Variants in TTC29 observed in about 807,000 individuals in gnomAD.
The protein encoded by TTC29 is tetratricopeptide repeat domain 29.
TTC29 carries 49 observed loss-of-function variants against 58.1 expected under a neutral mutation model. That is an observed-to-expected ratio of 0.84 (90% CI 0.67 to 1.07). The LOEUF is 1.07. TTC29 is among the 50% of genes least tolerant of loss of function. TTC29 has a pLI of 0.00. For missense variants in TTC29, 582 were observed against 555.6 expected (o/e 1.05, Z -0.48); for synonymous variants, 209 against 196.8 (o/e 1.06, Z -0.52).
chr4:146,886,860 T>C (rs755706242), intron 6 of TTC29, among the ~76,000 whole-genome samples: 3 of 152,152 alleles, frequency 2.0e-5, no homozygotes, highest in African/African-American at 4.8e-5. Flanking sequence ...CATGTTTTAG[T>C]TGTCATTTAA....
intron 10 of TTC29, among the ~76,000 whole-genome samples, chr4:146,808,734 G>A (rs1041169385): frequency 1.1e-4 from 16 of 152,260 alleles, no homozygotes; most frequent in African/African-American, 3.8e-4. Flanking sequence ...GGAAATAAGA[G>A]AGAACACAAA....
In TTC29 at chr4:146,819,528, G is replaced by A. The variant is rs962529219; in HGVS notation, c.1101+597C>T. Among the ~76,000 whole-genome samples the A allele has an allele frequency of 4.6e-5, 7 of 152,094 alleles. No individual in the cohort carries two copies. The South Asian group carries it at 1.4e-3, about 31-fold the overall frequency. The stretch of plus-strand genomic sequence containing the variant: ...AAAAGATAAAATCAGGAGAAAATAC[G>A]ACAAAAGTCCATTGTGACCAGTACA... On this transcript the variant is annotated intron_variant, in intron 10 of 12. Coordinates refer to ENST00000325106, the MANE Select transcript of TTC29 (RefSeq NM_031956.4).
intron 11 of TTC29, among the ~76,000 whole-genome samples, chr4:146,776,664 C>T (rs545886928): frequency 1.6e-4 from 25 of 152,130 alleles, no homozygotes; most frequent in African/African-American, 4.6e-4. Flanking sequence ...GCTCCTGGTC[C>T]GCTGGCCACA....
chr4:146,937,652 C>T lies in TTC29; in HGVS notation c.118G>A (p.Asp40Asn). The T allele has an allele frequency of 1.3e-6, 2 of 1,533,886 alleles. No individual in the cohort carries two copies. Among genetic ancestry groups the T allele is most frequent in the African/African-American group, 1.4e-5 (1 of 72,582 alleles). ...TTTACCTCTAGATAATGATCTATGT[C>T]ATCTTTTTCTTTGATCAATTGAGAC... ...PRSQLIKEKD[D>N]IDHYLEVNFK... Residue 40 changes from aspartate (D) to asparagine (N), a missense_variant, in exon 4 of 13, where the codon GAC (aspartate) becomes AAC (asparagine). Physicochemically the swap from Asp to Asn is conservative, Grantham distance 23. Coordinates refer to ENST00000325106, the MANE Select transcript of TTC29 (RefSeq NM_031956.4).
chr4:146,864,408 T>A (rs920744063), intron 8 of TTC29, among the ~76,000 whole-genome samples: 2 of 151,960 alleles, frequency 1.3e-5, no homozygotes, highest in Non-Finnish European at 2.9e-5. Flanking sequence ...TTAGAAAAAA[T>A]AAAAAAATAA....
chr4:146,754,096 G>T (rs1000012200), intron 11 of TTC29, among the ~76,000 whole-genome samples: 34 of 150,430 alleles, frequency 2.3e-4, no homozygotes, highest in Admixed American at 2.0e-3. Context: ...AAAATATTTT[G>T]GTAAATCTGT....
intron 11 of TTC29, among the ~76,000 whole-genome samples, chr4:146,740,503 T>C (rs890945771): frequency 2.6e-5 from 4 of 152,120 alleles, no homozygotes; most frequent in African/African-American, 9.7e-5. Context: ...TACATATGTA[T>C]ACATGTATGT....
Position 146,706,707 on chromosome 4 carries a change from A to C in TTC29, c.*451T>G, listed in dbSNP as rs1741987592. 2.0e-5 allele frequency: 3 copies of C among 152,638 alleles called. No homozygotes were observed. 9.5% of individuals were successfully genotyped at this position (152,638 alleles called of 1,614,324 possible). On this transcript the variant is annotated 3_prime_UTR_variant, in exon 13 of 13. Transcript: ENST00000325106. ...TTACACAGGTAAAGAAAACTGTTTC[A>C]AACAAGACTTATCAGTATGGTAGGC...
chr4:146,882,946 CTCTCTCTG>C (rs1013997603), intron 6 of TTC29, among the ~76,000 whole-genome samples: 2 of 151,960 alleles, frequency 1.3e-5, no homozygotes, highest in Admixed American at 6.6e-5. Context: ...CTCTCTCTCT[CTCTCTCTG>C]TGTGTGTGCA....
intron 11 of TTC29, among the ~76,000 whole-genome samples, chr4:146,787,509 C>A (rs1749110655): frequency 6.6e-6 from 1 of 152,154 alleles, no homozygotes; most frequent in Non-Finnish European, 1.5e-5. Flanking sequence ...TATTAAGACT[C>A]AAATAAGTCT....
chr4:146,770,021 G>A (rs1042748102), intron 11 of TTC29, among the ~76,000 whole-genome samples: 3 of 152,038 alleles, frequency 2.0e-5, no homozygotes, highest in African/African-American at 7.2e-5. Flanking sequence ...AAGCAAGTGG[G>A]GGCACTGGGA....
At chr4:146,798,780 G>A (rs780744683) in intron 11 of TTC29, among the ~76,000 whole-genome samples, 13 of 151,152 alleles carry the variant, frequency 8.6e-5, no homozygotes, top group Non-Finnish European at 1.6e-4. Context: ...CCAGCTACTC[G>A]GGAGGCTGAG....
chr4:146,801,839 G>A (rs918768212), intron 11 of TTC29, among the ~76,000 whole-genome samples: 27 of 151,448 alleles, frequency 1.8e-4, no homozygotes, highest in South Asian at 4.2e-4. Flanking sequence ...TTAGCCGGGC[G>A]TCATGGTTGG....
intron 6 of TTC29, among the ~76,000 whole-genome samples, chr4:146,893,553 A>C (rs1732534719): frequency 6.6e-6 from 1 of 152,260 alleles, no homozygotes; most frequent in Middle Eastern, 3.4e-3. Flanking sequence ...TAAAGACTTA[A>C]ATGTTAGACC....
intron 11 of TTC29, among the ~76,000 whole-genome samples, chr4:146,713,833 A>G (rs143252919): frequency 2.9e-3 from 445 of 152,278 alleles, no homozygotes; most frequent in Admixed American, 7.0e-3. Flanking sequence ...ATTGACATAG[A>G]ATGATACTGA....
chr4:146,793,129 G>A (rs1300234222), intron 11 of TTC29, among the ~76,000 whole-genome samples: 1 of 152,174 alleles, frequency 6.6e-6, no homozygotes, highest in Non-Finnish European at 1.5e-5. Flanking sequence ...TGACAACAAA[G>A]AATATTACAT....
At chr4:146,728,093 C>T (rs1743924031) in intron 11 of TTC29, among the ~76,000 whole-genome samples, 1 of 151,984 alleles carries the variant, frequency 6.6e-6, no homozygotes, top group Non-Finnish European at 1.5e-5. Context: ...TCAAGATCAG[C>T]CTGGCCAACA....
intron 2 of TTC29, 78 bp from the exon 3 acceptor site, chr4:146,939,979 T>G: frequency 7.3e-7 from 1 of 1,372,074 alleles, no homozygotes; most frequent in Non-Finnish European, 9.9e-7. Context: ...TATTAGAGAT[T>G]TACAGTCTGT....
intron 11 of TTC29, among the ~76,000 whole-genome samples, chr4:146,787,046 G>A (rs960592225): frequency 3.3e-5 from 5 of 152,050 alleles, no homozygotes; most frequent in African/African-American, 9.7e-5. Flanking sequence ...GCTTGAGCCC[G>A]GGAGTAAATT....
Sources: gnomAD v4.1 joint callset for allele counts (sites outside exome capture counted in the v4.1 genomes callset) on GRCh38, gnomAD v4.1.1 for gene constraint, MANE v1.5 for transcripts, NCBI Gene and HGNC (gene_info 2026-07-23, HGNC 2026-07-21) for gene names.